The following PPP1R9A variants were observed in gnomAD, a reference collection of about 807,000 sequenced individuals.
The protein encoded by PPP1R9A is protein phosphatase 1 regulatory subunit 9A, also known as neurabin-1.
In PPP1R9A, 59 loss-of-function variants were observed where a neutral mutation model predicts 141.9. The ratio of observed to expected loss-of-function variants is 0.42; its 90% CI spans 0.34 to 0.52. The LOEUF (loss-of-function observed/expected upper bound fraction) is 0.52, where lower values mean the gene tolerates loss of function less well. Among genes scored for constraint, PPP1R9A ranks in the 20% least tolerant of loss-of-function variants. PPP1R9A has a pLI of 0.10. For missense variants in PPP1R9A, 1,444 were observed against 1,611.9 expected, an observed-to-expected ratio of 0.90 and a Z score of 1.78; for synonymous variants, 500 against 569.7, an observed-to-expected ratio of 0.88 and a Z score of 1.74.
At chr7:95,207,562 G>A (rs1344779473) in intron 7 of PPP1R9A, among the ~76,000 whole-genome samples, 1 of 152,086 alleles carries the variant, frequency 6.6e-6, no homozygotes, top group Admixed American at 6.6e-5. Context: ...TCATAGCTAG[G>A]TTGGGTTTAG....
intron 2 of PPP1R9A, among the ~76,000 whole-genome samples, chr7:94,990,348 T>C (rs541008022): frequency 6.6e-6 from 1 of 152,262 alleles, no homozygotes; most frequent in Non-Finnish European, 1.5e-5. Flanking sequence ...TAACATTATG[T>C]GATACTTTGA....
At chr7:95,122,971 A>G (rs1001169103) in intron 4 of PPP1R9A, among the ~76,000 whole-genome samples, 1 of 152,164 alleles carries the variant, frequency 6.6e-6, no homozygotes, top group African/African-American at 2.4e-5. Flanking sequence ...CCATCCAGAA[A>G]GCCAAACCAA....
intron 2 of PPP1R9A, among the ~76,000 whole-genome samples, chr7:95,045,452 A>G (rs1377789885): frequency 1.3e-5 from 2 of 152,130 alleles, no homozygotes; most frequent in Non-Finnish European, 2.9e-5. Flanking sequence ...TTGGGAGGTG[A>G]GCATGCGCAG....
Position 94,980,286 on chromosome 7 carries a change from G to C in PPP1R9A, c.1395+68778G>C, listed in dbSNP as rs562805605. Reference sequence around the variant, plus strand: ...AGCCACCCTGGGCCTCATGCGGCCCGTGGGCCACAGGTTGGACAAGCTTGC... The same window carrying C: ...AGCCACCCTGGGCCTCATGCGGCCCCTGGGCCACAGGTTGGACAAGCTTGC... On this transcript the variant is annotated intron_variant, in intron 2 of 19. Coordinates refer to ENST00000433360, the MANE Select transcript of PPP1R9A (RefSeq NM_001166160.2). 2.5e-3 allele frequency among the ~76,000 whole-genome samples: 373 copies of C among 152,102 alleles called. 1 individual carries two copies. The highest frequency in any genetic ancestry group is 3.5e-3 in the Non-Finnish European group (236 of 67,998).
chr7:95,073,574 G>A (rs1584542854), intron 2 of PPP1R9A, among the ~76,000 whole-genome samples: 1 of 141,882 alleles, frequency 7.0e-6, no homozygotes, highest in Non-Finnish European at 1.5e-5. Flanking sequence ...TACACAATTA[G>A]TTTCTTTTGA....
At chr7:95,160,651 A>G (rs753881548) in intron 4 of PPP1R9A, among the ~76,000 whole-genome samples, 1 of 151,902 alleles carries the variant, frequency 6.6e-6, no homozygotes, top group Non-Finnish European at 1.5e-5. Flanking sequence ...CCCAATATTT[A>G]GTTTTTCAGC....
chr7:95,261,858 C>T (rs1019377010), intron 12 of PPP1R9A, among the ~76,000 whole-genome samples: 1 of 152,260 alleles, frequency 6.6e-6, no homozygotes, highest in South Asian at 2.1e-4. Context: ...TATTACACTT[C>T]CAAGGATTGT....
intron 2 of PPP1R9A, among the ~76,000 whole-genome samples, chr7:95,057,892 C>A (rs1043406834): frequency 5.3e-5 from 8 of 152,064 alleles, no homozygotes; most frequent in African/African-American, 1.7e-4. Flanking sequence ...TCAGTTTGAA[C>A]TTTAGGTATG....
chr7:95,124,850 C>G (rs954503876), intron 4 of PPP1R9A, among the ~76,000 whole-genome samples: 6 of 152,040 alleles, frequency 3.9e-5, no homozygotes, highest in African/African-American at 1.4e-4. Flanking sequence ...TTCCTGCCCC[C>G]ACAAGAAGCC....
rs952903115 is a variant in PPP1R9A at position 95,290,840 on chromosome 7, C to T, written c.*537C>T. The T allele has an allele frequency of 4.5e-5, 7 of 154,740 alleles. No homozygotes were observed. Among genetic ancestry groups the T allele is most frequent in the South Asian group, 4.0e-4 (2 of 5,004 alleles). The allele number at this position is 154,740 out of a possible 1,614,324, so 9.6% of individuals were successfully genotyped here. ...CTCAGTCTGGACAGTGAGACCACCCCGCTGTGGAAACATGGGTGCTCTGCT... is the reference window on the plus strand; with the variant it reads ...CTCAGTCTGGACAGTGAGACCACCCTGCTGTGGAAACATGGGTGCTCTGCT... On this transcript the variant is annotated 3_prime_UTR_variant, in exon 20 of 20. Coordinates refer to ENST00000433360, the MANE Select transcript of PPP1R9A (RefSeq NM_001166160.2).
chr7:95,280,007 T>C (rs1803872377), intron 16 of PPP1R9A, among the ~76,000 whole-genome samples: 1 of 152,164 alleles, frequency 6.6e-6, no homozygotes, highest in Admixed American at 6.6e-5. Flanking sequence ...CCATCTCAGA[T>C]GAACTATTAT....
At chr7:95,237,313 G>A (rs1830247) in intron 8 of PPP1R9A, among the ~76,000 whole-genome samples, 84,551 of 150,526 alleles carry the variant, frequency 0.56, 23,831 homozygotes, top group South Asian at 0.62. Context: ...CTCCTACTTC[G>A]GCCTCCCAAG....
chr7:94,912,899 C>T (rs565179672), intron 2 of PPP1R9A, among the ~76,000 whole-genome samples: 3 of 152,174 alleles, frequency 2.0e-5, no homozygotes, highest in Admixed American at 1.3e-4. Context: ...CTTCCTATTC[C>T]TCCCCAACCC....
chr7:95,007,793 C>A (rs1205018526), intron 2 of PPP1R9A, among the ~76,000 whole-genome samples: 1 of 152,120 alleles, frequency 6.6e-6, no homozygotes, highest in Admixed American at 6.6e-5. Flanking sequence ...GAAGCTTTGT[C>A]AGGCGTGGTG....
At chr7:95,104,394 T>G (rs1819223580) in intron 2 of PPP1R9A, among the ~76,000 whole-genome samples, 2 of 152,224 alleles carry the variant, frequency 1.3e-5, no homozygotes, top group African/African-American at 4.8e-5. Context: ...TTTTAGAGTT[T>G]TATGAGATAG....
intron 5 of PPP1R9A, among the ~76,000 whole-genome samples, chr7:95,168,253 A>G (rs1022362436): frequency 6.6e-6 from 1 of 152,180 alleles, no homozygotes; most frequent in African/African-American, 2.4e-5. Flanking sequence ...TTTATGGCCA[A>G]CTGATTTTTG....
chr7:95,213,700 T>C (rs1288782101), intron 7 of PPP1R9A, among the ~76,000 whole-genome samples: 1 of 152,138 alleles, frequency 6.6e-6, no homozygotes, highest in South Asian at 2.1e-4. Flanking sequence ...TTGGAAGCCA[T>C]TTCTTAACTG....
At chr7:95,010,651 C>T (rs936539836) in intron 2 of PPP1R9A, among the ~76,000 whole-genome samples, 1 of 152,050 alleles carries the variant, frequency 6.6e-6, no homozygotes, top group African/African-American at 2.4e-5. Context: ...GGAGTAGTCC[C>T]TTATGTGGTT....
intron 2 of PPP1R9A, among the ~76,000 whole-genome samples, chr7:95,034,618 G>T (rs1448226719): frequency 6.6e-6 from 1 of 152,106 alleles, no homozygotes; most frequent in Non-Finnish European, 1.5e-5. Flanking sequence ...CTCCCAAAGT[G>T]CAGGGATTAC....
Sources: allele counts gnomAD v4.1 joint callset (sites outside exome capture counted in the v4.1 genomes callset), GRCh38; gene constraint gnomAD v4.1.1; transcripts MANE v1.5; gene names NCBI Gene and HGNC (gene_info 2026-07-23, HGNC 2026-07-21).